Variants in CDH3 observed in about 807,000 individuals in gnomAD.
The protein encoded by CDH3 is cadherin-3.
CDH3 carries 54 observed loss-of-function variants against 82.0 expected under a neutral mutation model. The ratio of observed to expected loss-of-function variants is 0.66; its 90% CI spans 0.53 to 0.83. CDH3 has a LOEUF of 0.83. Ranked by LOEUF, CDH3 falls within the 40% of genes least tolerant of loss-of-function variation. The pLI is 0.00. For missense variants in CDH3, 1,054 were observed against 1,084.6 expected, an observed-to-expected ratio of 0.97 and a Z score of 0.40; for synonymous variants, 446 against 437.9, an observed-to-expected ratio of 1.02 and a Z score of -0.23.
At chr16:68,711,436 G>C (rs1256762795) in intron 1 of CDH3, among the ~76,000 whole-genome samples, 2 of 152,334 alleles carry the variant, frequency 1.3e-5, no homozygotes, top group East Asian at 3.9e-4. Context: ...CTTGGAGGCG[G>C]CTGGGGGACC....
intron 1 of CDH3, among the ~76,000 whole-genome samples, chr16:68,706,625 T>C (rs1241244910): frequency 7.1e-6 from 1 of 140,882 alleles, no homozygotes; most frequent in Non-Finnish European, 1.5e-5. Context: ...TAATCTTGGC[T>C]CACAGCAATC....
chr16:68,692,665 T>G (rs1961609339), intron 13 of CDH3, among the ~76,000 whole-genome samples: 1 of 152,156 alleles, frequency 6.6e-6, no homozygotes, highest in South Asian at 2.1e-4. Flanking sequence ...AAATTACTGG[T>G]CTAGTGGGAG....
chr16:68,659,625 A>G (rs899486450), intron 2 of CDH3, among the ~76,000 whole-genome samples: 3 of 152,066 alleles, frequency 2.0e-5, no homozygotes, highest in South Asian at 4.2e-4. Context: ...CAGAGGTTGC[A>G]GTGAGCCAAG....
chr16:68,684,084 A>AAG (rs1555506587), intron 9 of CDH3, among the ~76,000 whole-genome samples: 19 of 149,932 alleles, frequency 1.3e-4, no homozygotes, highest in Admixed American at 3.3e-4. Context: ...AAAAAAAAAA[A>AAG]GCTGGGTGCG....
Position 68,684,571 on chromosome 16 carries a change from C to T in CDH3, c.1183-12C>T, listed in dbSNP as rs886052232. 2 of 1,614,132 alleles carry T rather than the reference C, an allele frequency of 1.2e-6. No homozygotes were observed. Among genetic ancestry groups the T allele is most frequent in the Non-Finnish European group, 1.7e-6 (2 of 1,180,020 alleles). Reference sequence around the variant, plus strand: ...AATGGTGGTCCAGGTCCTTCTTCCTCTTCTCTCCTAGGGTTTGGATTTTGA... The same window carrying T: ...AATGGTGGTCCAGGTCCTTCTTCCTTTTCTCTCCTAGGGTTTGGATTTTGA... On this transcript the variant is annotated splice_polypyrimidine_tract_variant and intron_variant, in intron 9 of 15. Transcript: ENST00000264012.
chr16:68,684,866 A>G, intron 10 of CDH3, 42 bp downstream of exon 10: 3 of 1,613,004 alleles, frequency 1.9e-6, no homozygotes, highest in Non-Finnish European at 2.5e-6. Flanking sequence ...GTACTGGTAC[A>G]GTTGGTGGGT....
chr16:68,728,623 C>T (rs752720780), downstream of CDH3, among the ~76,000 whole-genome samples: 4 of 152,088 alleles, frequency 2.6e-5, no homozygotes, highest in African/African-American at 9.7e-5. Flanking sequence ...AGGCAGGGAC[C>T]GTATTTTGTT....
intron 2 of CDH3, among the ~76,000 whole-genome samples, chr16:68,655,609 C>T (rs776620248): frequency 2.0e-5 from 3 of 152,228 alleles, no homozygotes; most frequent in East Asian, 1.9e-4. Context: ...TTTGGGAAGC[C>T]GAGGCAGGCG....
intron 1 of CDH3, among the ~76,000 whole-genome samples, chr16:68,715,691 C>T (rs1962087545): frequency 6.6e-6 from 1 of 152,212 alleles, no homozygotes; most frequent in Admixed American, 6.5e-5. Flanking sequence ...GCCCCACTTC[C>T]TGCCACCCCA....
intron 13 of CDH3, among the ~76,000 whole-genome samples, chr16:68,693,671 G>GCATCTTCAGAA: frequency 6.6e-6 from 1 of 152,242 alleles, no homozygotes; most frequent in Middle Eastern, 3.4e-3. Context: ...ACATGTGCAT[G>GCATCTTCAGAA]CATCTTCAGA....
chr16:68,683,193 T>A (rs1961278911), intron 9 of CDH3, among the ~76,000 whole-genome samples: 1 of 152,200 alleles, frequency 6.6e-6, no homozygotes, highest in Non-Finnish European at 1.5e-5. Context: ...AAATATTGTA[T>A]GAAATAATAT....
chr16:68,677,018 C>A (rs1452701097), intron 3 of CDH3, among the ~76,000 whole-genome samples: 1 of 152,178 alleles, frequency 6.6e-6, no homozygotes, highest in Non-Finnish European at 1.5e-5. Context: ...ACCACTGTTC[C>A]CAGTTTCTTT....
At chr16:68,689,400 G>A (rs948863839) in intron 12 of CDH3, among the ~76,000 whole-genome samples, 1 of 152,128 alleles carries the variant, frequency 6.6e-6, no homozygotes, top group African/African-American at 2.4e-5. Flanking sequence ...GCCAGGCGTG[G>A]TAGCACATGC....
At chr16:68,695,995 A>G (rs766490823) in intron 15 of CDH3, 72 bp downstream of exon 15, 333 of 1,530,882 alleles carry the variant, frequency 2.2e-4, no homozygotes, top group Non-Finnish European at 2.8e-4. Context: ...GAGAACAAGC[A>G]TGGGCCTGGA....
At chr16:68,653,527 G>A (rs1440221050) in intron 2 of CDH3, among the ~76,000 whole-genome samples, 1 of 151,960 alleles carries the variant, frequency 6.6e-6, no homozygotes, top group African/African-American at 2.4e-5. Context: ...TTGAGCCATC[G>A]CGCCCGGCCG....
intron 12 of CDH3, among the ~76,000 whole-genome samples, chr16:68,690,378 G>T (rs1197183596): frequency 1.3e-5 from 2 of 152,166 alleles, no homozygotes; most frequent in African/African-American, 4.8e-5. Context: ...CCAGCACTTT[G>T]GGAGGCCGAG....
rs542367774 is a variant in CDH3 at position 68,696,153 on chromosome 16, C to T, written c.2280+230C>T. The stretch of plus-strand genomic sequence containing the variant: ...TGATTAGGAGGGGCTGGGCACGGTG[C>T]CTCACGCCTGTAATCTGAGCACTTT... On this transcript the variant is annotated intron_variant, in intron 15 of 15. Transcript: ENST00000264012. 3.0e-5 allele frequency: 17 copies of T among 561,002 alleles called. No homozygotes were observed. The Admixed American group carries it at 3.4e-4, about 11-fold the overall frequency. The allele number at this position is 561,002 out of a possible 1,614,324, so 34.8% of individuals were successfully genotyped here. A position where few individuals can be genotyped will look rare whatever the true frequency, so the allele number is the denominator to read the frequency against.
intron 1 of CDH3, among the ~76,000 whole-genome samples, chr16:68,719,661 C>G (rs1567465086): frequency 6.6e-6 from 1 of 151,792 alleles, no homozygotes; most frequent in African/African-American, 2.4e-5. Flanking sequence ...AGGCACACAC[C>G]AGCTAATTTT....
chr16:68,690,311 C>T (rs1311660520), intron 12 of CDH3, among the ~76,000 whole-genome samples: 3 of 152,258 alleles, frequency 2.0e-5, no homozygotes, highest in East Asian at 3.9e-4. Flanking sequence ...AAGTCATGTG[C>T]GTTTAGTTTT....
Sources: allele counts gnomAD v4.1 joint callset (sites outside exome capture counted in the v4.1 genomes callset), GRCh38; gene constraint gnomAD v4.1.1; transcripts MANE v1.5; gene names NCBI Gene and HGNC (gene_info 2026-07-23, HGNC 2026-07-21).